XYLT1: variants seen among roughly 807,000 people sequenced by gnomAD.
XYLT1 encodes beta-D-xylosyltransferase 1.
XYLT1 carries 36 observed loss-of-function variants against 91.3 expected under a neutral mutation model. The ratio of observed to expected loss-of-function variants is 0.39; its 90% confidence interval spans 0.30 to 0.52. XYLT1 has a LOEUF of 0.52. Among genes scored for constraint, XYLT1 ranks in the 20% least tolerant of loss-of-function variants. The pLI, the probability that XYLT1 is intolerant of heterozygous loss-of-function variation, is 0.68. For missense variants in XYLT1, 1,242 were observed against 1,284.5 expected (o/e 0.97, Z 0.51); for synonymous variants, 588 against 532.0 (o/e 1.11, Z -1.45).
intron 2 of XYLT1, among the ~76,000 whole-genome samples, chr16:17,269,287 C>T (rs568866308): frequency 5.9e-5 from 9 of 152,214 alleles, no homozygotes; most frequent in South Asian, 2.1e-4. Context: ...TGACCTCAAG[C>T]GATCCTCCTG....
intron 5 of XYLT1, among the ~76,000 whole-genome samples, chr16:17,186,095 A>G (rs1174249396): frequency 6.6e-6 from 1 of 152,068 alleles, no homozygotes; most frequent in Non-Finnish European, 1.5e-5. Context: ...ACGGAACTCT[A>G]GATTTCTTTT....
chr16:17,128,193 C>T (rs2030330483), intron 9 of XYLT1, among the ~76,000 whole-genome samples: 1 of 152,160 alleles, frequency 6.6e-6, no homozygotes, highest in African/African-American at 2.4e-5. Flanking sequence ...TGTGAACACT[C>T]ATATTGATGG....
intron 9 of XYLT1, among the ~76,000 whole-genome samples, chr16:17,131,127 C>T (rs2030453686): frequency 6.6e-6 from 1 of 152,144 alleles, no homozygotes; most frequent in Non-Finnish European, 1.5e-5. Context: ...CAGGCTGACA[C>T]ACGATAGCTA....
At chr16:17,451,790 A>T (rs2036668889) in intron 1 of XYLT1, among the ~76,000 whole-genome samples, 1 of 152,150 alleles carries the variant, frequency 6.6e-6, no homozygotes, top group South Asian at 2.1e-4. Context: ...AGCTCAAGGC[A>T]CTCAGTAATG....
intron 3 of XYLT1, among the ~76,000 whole-genome samples, chr16:17,239,504 T>TCATCCATCCATC (rs147770428): frequency 6.2e-5 from 8 of 128,350 alleles, no homozygotes; most frequent in African/African-American, 1.9e-4. Context: ...GTCCATCTAT[T>TCATCCATCCATC]CATCCATCCA....
intron 2 of XYLT1, among the ~76,000 whole-genome samples, chr16:17,291,123 G>A (rs2034218581): frequency 6.6e-6 from 1 of 152,100 alleles, no homozygotes; most frequent in Non-Finnish European, 1.5e-5. Flanking sequence ...CAGCGACTGG[G>A]TTAATATATG....
intron 2 of XYLT1, among the ~76,000 whole-genome samples, chr16:17,310,984 A>C (rs954103176): frequency 6.6e-6 from 1 of 152,204 alleles, no homozygotes; most frequent in African/African-American, 2.4e-5. Flanking sequence ...ATGGTGTCAG[A>C]GCACGGAGAA....
At chr16:17,248,586 C>A (rs1358842214) in intron 3 of XYLT1, among the ~76,000 whole-genome samples, 7 of 152,128 alleles carry the variant, frequency 4.6e-5, no homozygotes, top group Non-Finnish European at 1.0e-4. Context: ...ATCAACACCT[C>A]TGCCTACCCG....
chr16:17,371,026 C>T (rs914150248), intron 1 of XYLT1, among the ~76,000 whole-genome samples: 1 of 152,204 alleles, frequency 6.6e-6, no homozygotes, highest in Admixed American at 6.5e-5. Context: ...CCAGCACTTT[C>T]AGCTGGAGGA....
chr16:17,372,590 G>A (rs896657291), intron 1 of XYLT1, among the ~76,000 whole-genome samples: 1 of 152,206 alleles, frequency 6.6e-6, no homozygotes, highest in Non-Finnish European at 1.5e-5. Context: ...AGGACAGCTG[G>A]TCTGGCCCAT....
intron 3 of XYLT1, among the ~76,000 whole-genome samples, chr16:17,256,720 G>C (rs1270676712): frequency 6.6e-6 from 1 of 151,976 alleles, no homozygotes; most frequent in Admixed American, 6.6e-5. Context: ...TACTTTTCTG[G>C]GGAGCCATTC....
intron 1 of XYLT1, 63 bp from the exon 2 acceptor site, chr16:17,358,113 A>G: frequency 6.8e-7 from 1 of 1,477,962 alleles, no homozygotes. Flanking sequence ...CTACCCCAGC[A>G]TCTTTTTCTT....
chr16:17,363,359 A>C (rs2035408708), intron 1 of XYLT1, among the ~76,000 whole-genome samples: 1 of 152,222 alleles, frequency 6.6e-6, no homozygotes, highest in Non-Finnish European at 1.5e-5. Context: ...GAGGTGGCTT[A>C]AACAACAGAG....
intron 1 of XYLT1, among the ~76,000 whole-genome samples, chr16:17,462,686 T>C (rs748725175): frequency 6.6e-6 from 1 of 152,168 alleles, no homozygotes; most frequent in Non-Finnish European, 1.5e-5. Context: ...AAGTCTGTTG[T>C]GGTTGAAAGA....
chr16:17,400,621 GAGGAAGGGAGGAAGGAAGGAAGGA>G (rs1567189500), intron 1 of XYLT1, among the ~76,000 whole-genome samples: 1 of 116,716 alleles, frequency 8.6e-6, no homozygotes, highest in African/African-American at 3.5e-5. Context: ...GGGAGGGAGG[GAGGAAGGGAGGAAGGAAGGAAGGA>G]AGGAAGGAAG....
At chr16:17,440,618 C>T (rs1032567694) in intron 1 of XYLT1, among the ~76,000 whole-genome samples, 10 of 152,298 alleles carry the variant, frequency 6.6e-5, no homozygotes, top group East Asian at 1.9e-4. Flanking sequence ...GAATCTTATC[C>T]GTTCATCTGC....
At chr16:17,204,440 A>G (rs557991152) in intron 3 of XYLT1, among the ~76,000 whole-genome samples, 1 of 146,866 alleles carries the variant, frequency 6.8e-6, no homozygotes, top group East Asian at 2.1e-4. Flanking sequence ...GGAACAAAAA[A>G]CCCAGAGCTC....
intron 3 of XYLT1, among the ~76,000 whole-genome samples, chr16:17,242,298 C>T (rs2033358187): frequency 6.6e-6 from 1 of 152,234 alleles, no homozygotes; most frequent in South Asian, 2.1e-4. Context: ...GCACTATCTA[C>T]ACATTGAGTT....
At position 17,180,107 on chromosome 16, in the gene XYLT1, C is replaced by A. The variant is rs564697210; in HGVS notation, c.1289+18105G>T. ...AGGAGAACATAGAAGAAGCACTTAG[C>A]ACCTGCAGAAACTCAGTGGCAGGGA... On this transcript the variant is annotated intron_variant, in intron 5 of 11. Transcript: ENST00000261381. Among the ~76,000 whole-genome samples the A allele has an allele frequency of 6.6e-5, 10 of 152,318 alleles. No homozygotes were observed. The South Asian group carries it at 2.1e-3, about 32-fold the overall frequency.
Sources: allele counts gnomAD v4.1 joint callset (sites outside exome capture counted in the v4.1 genomes callset), GRCh38; gene constraint gnomAD v4.1.1; transcripts MANE v1.5; gene names NCBI Gene and HGNC (gene_info 2026-07-23, HGNC 2026-07-21).